The following CHLSN variants were observed in gnomAD, a reference collection of about 807,000 sequenced individuals.
The protein encoded by CHLSN is protein cholesin.
At chr7:1,006,407 T>C in the CHLSN span, among the ~76,000 whole-genome samples, 171 of 75,128 alleles carry the variant, frequency 2.3e-3, no homozygotes, top group Middle Eastern at 0.017. Flanking sequence ...ACGGCCATAC[T>C]GCAGGGAAAG....
chr7:998,359 A>G, the CHLSN span, among the ~76,000 whole-genome samples: 8 of 151,952 alleles, frequency 5.3e-5, no homozygotes, highest in Non-Finnish European at 8.8e-5. Flanking sequence ...TTGAGTTAGC[A>G]GAGTTCTAAT....
At chr7:986,728 G>A in the CHLSN span, 71 of 1,610,852 alleles carry the variant, frequency 4.4e-5, no homozygotes, top group African/African-American at 4.7e-4. Flanking sequence ...TCCTGGAGGC[G>A]CGGAGGCCCC....
the CHLSN span, among the ~76,000 whole-genome samples, chr7:1,059,841 AGGCGGGTCCGTAGTGG>A: frequency 3.4e-4 from 4 of 11,664 alleles, no homozygotes; most frequent in Non-Finnish European, 6.1e-4. Flanking sequence ...GTCTGTAGTG[AGGCGGGTCCGTAGTGG>A]GGCGGGTCTG....
chr7:1,114,679 T>C, the CHLSN span, among the ~76,000 whole-genome samples: 15 of 152,266 alleles, frequency 9.9e-5, 1 homozygote, highest in East Asian at 2.9e-3. Context: ...GGGAAAGAGA[T>C]GGTGATCAGG....
At chr7:999,764 C>G in the CHLSN span, among the ~76,000 whole-genome samples, 17 of 152,176 alleles carry the variant, frequency 1.1e-4, no homozygotes, top group African/African-American at 4.1e-4. Context: ...GTAACGTGGG[C>G]GCAGGAGAGC....
chr7:1,108,792 C>CA, the CHLSN span, among the ~76,000 whole-genome samples: 2 of 151,938 alleles, frequency 1.3e-5, no homozygotes, highest in Non-Finnish European at 2.9e-5. Context: ...GGGGGCCATC[C>CA]AGTGTGCACC....
the CHLSN span, among the ~76,000 whole-genome samples, chr7:1,065,238 T>C: frequency 6.6e-6 from 1 of 151,954 alleles, no homozygotes; most frequent in Non-Finnish European, 1.5e-5. Context: ...GGGAGGAAGG[T>C]AAAACGTACC....
the CHLSN span, chr7:988,839 C>T: frequency 5.1e-5 from 75 of 1,483,554 alleles, no homozygotes; most frequent in Non-Finnish European, 6.4e-5. Context: ...CCCCAGCCCC[C>T]AGGTCCTCCT....
chr7:999,401 G>A, the CHLSN span, among the ~76,000 whole-genome samples: 1 of 152,176 alleles, frequency 6.6e-6, no homozygotes, highest in African/African-American at 2.4e-5. Context: ...CCCCAGTGTC[G>A]CGATTACCGG....
chr7:1,131,967 G>A, the CHLSN span, among the ~76,000 whole-genome samples: 1 of 152,136 alleles, frequency 6.6e-6, no homozygotes, highest in African/African-American at 2.4e-5. Context: ...CAATTCAGTG[G>A]GAAAGACAAA....
the CHLSN span, among the ~76,000 whole-genome samples, chr7:1,085,438 C>T: frequency 6.6e-6 from 1 of 152,158 alleles, no homozygotes; most frequent in Non-Finnish European, 1.5e-5. Flanking sequence ...GCCGCGGTGA[C>T]ACCACCTCCC....
the CHLSN span, among the ~76,000 whole-genome samples, chr7:986,094 C>T: frequency 3.9e-5 from 6 of 152,334 alleles, no homozygotes; most frequent in Non-Finnish European, 5.9e-5. Flanking sequence ...CCTGGCCTTC[C>T]CTGCTGGTGC....
the CHLSN span, among the ~76,000 whole-genome samples, chr7:1,121,676 C>T: frequency 1.3e-5 from 2 of 152,254 alleles, no homozygotes; most frequent in African/African-American, 4.8e-5. Context: ...CACAGCCAGG[C>T]GGTCACGCCA....
the CHLSN span, chr7:1,009,925 A>T: frequency 6.6e-7 from 1 of 1,514,858 alleles, no homozygotes; most frequent in South Asian, 1.2e-5. Flanking sequence ...TCCGGGACAG[A>T]ACCGCGTGGG....
At chr7:985,074 C>G in the CHLSN span, 1 of 1,612,466 alleles carries the variant, frequency 6.2e-7, no homozygotes. Context: ...TGAAATGCCT[C>G]TCTGGGCAGC....
the CHLSN span, among the ~76,000 whole-genome samples, chr7:1,036,190 C>T: frequency 6.6e-6 from 1 of 152,188 alleles, no homozygotes; most frequent in Non-Finnish European, 1.5e-5. Flanking sequence ...AGTGGATGCA[C>T]AGTGGATATT....
At chr7:1,129,761 G>C in the CHLSN span, among the ~76,000 whole-genome samples, 3 of 152,278 alleles carry the variant, frequency 2.0e-5, no homozygotes, top group Admixed American at 2.0e-4. Context: ...TCTTTTTTCT[G>C]AGTGTTTTTA....
At chr7:1,020,506 G>C in the CHLSN span, among the ~76,000 whole-genome samples, 1 of 152,222 alleles carries the variant, frequency 6.6e-6, no homozygotes, top group Non-Finnish European at 1.5e-5. Flanking sequence ...CCACTATCGA[G>C]ATATGTCTGG....
At chr7:1,090,610 G>A in the CHLSN span, among the ~76,000 whole-genome samples, 466 of 150,520 alleles carry the variant, frequency 3.1e-3, 1 homozygote, top group African/African-American at 0.011. Context: ...GGCAGAGCCA[G>A]GGTGACACGG....
Sources: gnomAD v4.1 joint callset for allele counts (sites outside exome capture counted in the v4.1 genomes callset) on GRCh38, gnomAD v4.1.1 for gene constraint, MANE v1.5 for transcripts, NCBI Gene and HGNC (gene_info 2026-07-23, HGNC 2026-07-21) for gene names.